Variants in CYFIP2 observed in about 807,000 individuals in gnomAD.
CYFIP2 encodes the protein cytoplasmic FMR1 interacting protein 2, also known as cytoplasmic FMR1-interacting protein 2.
CYFIP2 carries 29 observed loss-of-function variants against 158.7 expected under a neutral mutation model. The observed-to-expected ratio is 0.18, with a 90% CI of 0.14 to 0.25. The LOEUF is 0.25. CYFIP2 is among the 10% of genes least tolerant of loss of function. The pLI is 1.00. For synonymous variants in CYFIP2, 585 were observed against 617.6 expected (o/e 0.95, Z 0.78); for missense variants, 852 against 1,639.5 (o/e 0.52, Z 8.29).
At chr5:157,392,520 A>G (rs1349543437) in intron 30 of CYFIP2, among the ~76,000 whole-genome samples, 1 of 152,174 alleles carries the variant, frequency 6.6e-6, no homozygotes, top group Non-Finnish European at 1.5e-5. Flanking sequence ...GTTGAAAATC[A>G]TTTGATCATA....
chr5:157,285,500 A>C lies in CYFIP2; in HGVS notation c.117+22A>C, dbSNP rs1403764154. 5 of 1,548,112 alleles carry C rather than the reference A, an allele frequency of 3.2e-6. No homozygotes were observed. The East Asian group carries it at 1.2e-4, about 38-fold the overall frequency. ...CCAGGTAATGGAAATGGTAGATAGCACCAGGGGGCCCAGGAATTCTGGGGA... is the reference window on the plus strand; with the variant it reads ...CCAGGTAATGGAAATGGTAGATAGCCCCAGGGGGCCCAGGAATTCTGGGGA... On this transcript the variant is annotated intron_variant, in intron 2 of 30. Transcript: ENST00000620254.
intron 29 of CYFIP2, 104 bp downstream of exon 29, chr5:157,389,531 G>A: frequency 9.2e-7 from 1 of 1,083,560 alleles, no homozygotes; most frequent in Non-Finnish European, 1.3e-6. Context: ...GGGGGTGGGG[G>A]TGGTTGGCCA....
At chr5:157,357,104 C>T (rs1276200501) in intron 23 of CYFIP2, among the ~76,000 whole-genome samples, 3 of 152,164 alleles carry the variant, frequency 2.0e-5, no homozygotes, top group African/African-American at 7.2e-5. Flanking sequence ...TCTCACGTTC[C>T]AGGCCTCCCA....
chr5:157,272,231 C>T (rs1162352042), intron 1 of CYFIP2, among the ~76,000 whole-genome samples: 4 of 152,146 alleles, frequency 2.6e-5, no homozygotes, highest in African/African-American at 4.8e-5. Context: ...CTTGATTTCT[C>T]GGCTCTGACT....
At chr5:157,269,763 G>A (rs193064577) in intron 1 of CYFIP2, among the ~76,000 whole-genome samples, 2 of 152,330 alleles carry the variant, frequency 1.3e-5, no homozygotes, top group Admixed American at 6.5e-5. Flanking sequence ...TTGAGCCAAT[G>A]GGAAGCTTAA....
chr5:157,344,955 T>C (rs984798380), intron 23 of CYFIP2, among the ~76,000 whole-genome samples: 2 of 152,224 alleles, frequency 1.3e-5, no homozygotes, highest in Non-Finnish European at 2.9e-5. Context: ...GTTTTTCTTC[T>C]GTAAGGGTAA....
Position 157,390,555 on chromosome 5 carries a change from T to A in CYFIP2, c.3481T>A (p.Cys1161Ser). ...CGGCGATGGCTTGAACTGGGCTGGT[T>A]GCTCCATCATTGTCCTGCTGGGCCA... The part of the protein sequence containing the change: ...CFGDGLNWAG[C>S]SIIVLLGQQR... The change falls in exon 30 of 31, where the codon TGC becomes AGC. Residue 1161 changes from cysteine (C) to serine (S), a missense_variant. Physicochemically the swap from Cys to Ser is moderately radical, Grantham distance 112. Transcript: ENST00000620254. 3.2e-6 allele frequency: 5 copies of A among 1,552,718 alleles called. No individual in the cohort carries two copies. The highest frequency in any genetic ancestry group is 4.4e-6 in the Non-Finnish European group (5 of 1,147,782).
chr5:157,314,936 G>T, intron 12 of CYFIP2, 33 bp from the exon 13 acceptor site: 1 of 1,519,302 alleles, frequency 6.6e-7, no homozygotes, highest in African/African-American at 1.4e-5. Context: ...TTCATCAGTT[G>T]ATGGACGTTT....
chr5:157,343,285 AG>A, intron 23 of CYFIP2: 1 of 1,614,186 alleles, frequency 6.2e-7, no homozygotes, highest in Non-Finnish European at 8.5e-7. Flanking sequence ...AGTGCCTGTA[AG>A]GGAAGGCAGC....
intron 15 of CYFIP2, among the ~76,000 whole-genome samples, chr5:157,323,634 T>G (rs929548118): frequency 4.6e-5 from 7 of 152,228 alleles, no homozygotes; most frequent in African/African-American, 7.2e-5. Context: ...TGACACGTAA[T>G]GAGGTTCTCC....
intron 30 of CYFIP2, among the ~76,000 whole-genome samples, chr5:157,390,939 G>C (rs1048086389): frequency 6.6e-6 from 1 of 152,174 alleles, no homozygotes; most frequent in Non-Finnish European, 1.5e-5. Context: ...AGACTCTGCT[G>C]ATGCCAGTTT....
chr5:157,286,694 C>T (rs146834683), intron 2 of CYFIP2, among the ~76,000 whole-genome samples: 62 of 152,166 alleles, frequency 4.1e-4, no homozygotes, highest in African/African-American at 1.4e-3. Flanking sequence ...GTGAGTATTT[C>T]TGGAACTGCC....
rs555890020 is a variant in CYFIP2, at chr5:157,337,615, G to T, written c.2386-1442G>T. On this transcript the variant is annotated intron_variant, in intron 21 of 30. Transcript: ENST00000620254. ...TCCAAAAATTGGAAGCATAGCCTGG[G>T]ATCTCCACCTGACCATGCTCTGGTC... Among the ~76,000 whole-genome samples the T allele has an allele frequency of 2.6e-5, 4 of 152,330 alleles. No individual in the cohort carries two copies. In the East Asian group the frequency reaches 7.7e-4, roughly 29 times the overall value.
At chr5:157,302,280 G>A (rs181749720) in intron 6 of CYFIP2, among the ~76,000 whole-genome samples, 7 of 152,236 alleles carry the variant, frequency 4.6e-5, no homozygotes, top group Admixed American at 1.3e-4. Context: ...CCCTGTGCCC[G>A]TCATCCCATC....
At chr5:157,326,135 AT>A in intron 17 of CYFIP2, 35 bp from the exon 18 acceptor site, 1 of 1,493,496 alleles carries the variant, frequency 6.7e-7, no homozygotes, top group Non-Finnish European at 9.3e-7. Flanking sequence ...AAGGGGGGTT[AT>A]TAGCAAGCGG....
At position 157,392,919 on chromosome 5, in the gene CYFIP2, C is replaced by T. The variant is rs771500468; in HGVS notation, c.3681C>T (p.Ser1227=). 2.2e-5 allele frequency: 36 copies of T among 1,613,834 alleles called. No homozygotes were observed. The East Asian group carries it at 3.6e-4, about 16-fold the overall frequency. ...CCATCCTGAACAAATACATGAAGTC[C>T]GTGGAGACAGACAGTTCCACTGTGG... ...VFAILNKYMK[S]VETDSSTVEH... is the part of the protein sequence containing the mutation. Residue 1227 remains serine, a synonymous_variant, in exon 31 of 31, where the codon TCC becomes TCT. Transcript: ENST00000620254.
chr5:157,304,322 A>T lies in CYFIP2; in HGVS notation c.751A>T (p.Asn251Tyr). The change falls in exon 8 of 31, where the codon AAC becomes TAC. Residue 251 changes from asparagine to tyrosine, a missense_variant. Physicochemically the swap from Asn to Tyr is moderately radical, Grantham distance 143. This residue lies in a region of CYFIP2 where 133 missense variants were observed against 197.1 expected (regional missense o/e 0.67). Coordinates refer to ENST00000620254, the MANE Select transcript of CYFIP2 (RefSeq NM_001037333.3). ...CAACATCTGTGTGGATTACTACGAGAACAAGATGTACCTGACTCCCAGTGA... is the reference window on the plus strand; with the variant it reads ...CAACATCTGTGTGGATTACTACGAGTACAAGATGTACCTGACTCCCAGTGA... ...IVNICVDYYE[N>Y]KMYLTPSEKH... 6.2e-7 allele frequency: 1 copy of T among 1,614,006 alleles called. No individual in the cohort carries two copies. Among genetic ancestry groups the T allele is most frequent in the African/African-American group, 1.3e-5 (1 of 75,052 alleles).
intron 6 of CYFIP2, 98 bp downstream of exon 6, chr5:157,300,994 T>C (rs368028094): frequency 1.9e-5 from 21 of 1,106,184 alleles, no homozygotes; most frequent in African/African-American, 1.1e-4. Context: ...TCTCACCTGC[T>C]TTTTCTTTGA....
chr5:157,353,563 C>T (rs749071819), intron 23 of CYFIP2, among the ~76,000 whole-genome samples: 7 of 152,166 alleles, frequency 4.6e-5, no homozygotes, highest in Non-Finnish European at 8.8e-5. Flanking sequence ...TTTACCCAAG[C>T]GTTTACAATG....
Sources: gnomAD v4.1 joint callset for allele counts (sites outside exome capture counted in the v4.1 genomes callset) on GRCh38, gnomAD v4.1.1 for gene constraint, gnomAD v4.1.1 regional missense constraint, MANE v1.5 for transcripts, NCBI Gene and HGNC (gene_info 2026-07-23, HGNC 2026-07-21) for gene names.